The following CUBN variants were observed in gnomAD, a reference collection of about 807,000 sequenced individuals.
CUBN encodes 460 kDa receptor.
In CUBN, 282 loss-of-function variants were observed where a neutral mutation model predicts 405.3. That is an observed-to-expected ratio of 0.70 (90% CI 0.63 to 0.77). The LOEUF is 0.77. Among genes scored for constraint, CUBN ranks in the 30% least tolerant of loss-of-function variants. The probability of loss-of-function intolerance (pLI) is 0.00; values close to 1 mark genes in which losing one functional copy is unlikely to be tolerated. For missense variants in CUBN, 4,514 were observed against 4,475.2 expected (o/e 1.01, Z -0.25); for synonymous variants, 1,684 against 1,617.0 (o/e 1.04, Z -0.99).
chr10:16,944,195 A>C (rs1564438734), intron 36 of CUBN, among the ~76,000 whole-genome samples: 1 of 152,220 alleles, frequency 6.6e-6, no homozygotes, highest in African/African-American at 2.4e-5. Context: ...ATTGCACTGC[A>C]CTTTGAATAG....
chr10:16,999,267 G>A (rs146060723), intron 28 of CUBN, among the ~76,000 whole-genome samples: 1 of 152,160 alleles, frequency 6.6e-6, no homozygotes, highest in Non-Finnish European at 1.5e-5. Context: ...CATCATCAAA[G>A]AGAAAGAAAT....
At chr10:16,964,745 C>T (rs185047507) in intron 31 of CUBN, among the ~76,000 whole-genome samples, 20 of 152,324 alleles carry the variant, frequency 1.3e-4, no homozygotes, top group Non-Finnish European at 1.3e-4. Context: ...TGGCTACTAA[C>T]GCCAGTTAAT....
chr10:16,893,645 T>C (rs913107521), intron 54 of CUBN, among the ~76,000 whole-genome samples: 1 of 152,184 alleles, frequency 6.6e-6, no homozygotes, highest in African/African-American at 2.4e-5. Flanking sequence ...GAGGCTGCCT[T>C]TTTTCACTTG....
chr10:17,120,805 C>G (rs942555620), intron 6 of CUBN, among the ~76,000 whole-genome samples: 21 of 152,150 alleles, frequency 1.4e-4, no homozygotes, highest in African/African-American at 4.6e-4. Context: ...CACAGTTTGC[C>G]CATACTTGTC....
At chr10:17,058,418 C>A (rs1385764700) in intron 22 of CUBN, among the ~76,000 whole-genome samples, 3 of 151,968 alleles carry the variant, frequency 2.0e-5, no homozygotes. Context: ...AAGTTCTGTG[C>A]ACAGACAGGT....
intron 59 of CUBN, among the ~76,000 whole-genome samples, chr10:16,857,140 C>T (rs2131347610): frequency 6.6e-6 from 1 of 152,254 alleles, no homozygotes; most frequent in African/African-American, 2.4e-5. Context: ...TACAATACTT[C>T]AGGTATAATA....
At chr10:17,101,182 A>G (rs921419307) in intron 13 of CUBN, among the ~76,000 whole-genome samples, 4 of 152,196 alleles carry the variant, frequency 2.6e-5, no homozygotes, top group African/African-American at 4.8e-5. Flanking sequence ...ATGAAACTCA[A>G]ATGTTCACTA....
At chr10:16,990,309 C>G (rs1833543429) in intron 29 of CUBN, 25 bp downstream of exon 29, 3 of 1,612,818 alleles carry the variant, frequency 1.9e-6, no homozygotes, top group African/African-American at 2.7e-5. Flanking sequence ...TTGGAATGTG[C>G]TGAAAAAACC....
At chr10:17,078,088 T>C (rs559070687) in intron 17 of CUBN, among the ~76,000 whole-genome samples, 1 of 152,228 alleles carries the variant, frequency 6.6e-6, no homozygotes, top group East Asian at 1.9e-4. Context: ...ATCATCATCA[T>C]CGTCATTATC....
chr10:16,833,524 A>G (rs1403193579), intron 64 of CUBN, among the ~76,000 whole-genome samples: 1 of 152,196 alleles, frequency 6.6e-6, no homozygotes, highest in Non-Finnish European at 1.5e-5. Flanking sequence ...ATCATGTTGA[A>G]GCTAAACCCA....
chr10:17,010,262 C>T (rs11591878), intron 28 of CUBN, among the ~76,000 whole-genome samples: 11,674 of 152,244 alleles, frequency 0.077, 568 homozygotes, highest in East Asian at 0.18. Flanking sequence ...TTCAGAATCA[C>T]GGAATACTAC....
At chr10:16,940,383 T>C (rs1252120369) in intron 36 of CUBN, 146 bp from the exon 37 acceptor site, 1 of 767,314 alleles carries the variant, frequency 1.3e-6, no homozygotes, top group South Asian at 1.6e-5. Flanking sequence ...TCTCAAAAAA[T>C]TTCTTTCACT....
At chr10:16,968,113 T>C (rs991952939) in intron 31 of CUBN, among the ~76,000 whole-genome samples, 5 of 152,192 alleles carry the variant, frequency 3.3e-5, no homozygotes, top group African/African-American at 1.2e-4. Context: ...CATCATCTCT[T>C]TGAAACCCAG....
intron 22 of CUBN, among the ~76,000 whole-genome samples, chr10:17,049,303 T>A (rs1383583732): frequency 6.6e-6 from 1 of 152,208 alleles, no homozygotes; most frequent in Non-Finnish European, 1.5e-5. Context: ...ACAGACAGAC[T>A]CATTGACCCA....
chr10:16,963,267 C>T (rs764689815), intron 31 of CUBN, among the ~76,000 whole-genome samples: 21 of 133,344 alleles, frequency 1.6e-4, no homozygotes, highest in Non-Finnish European at 3.1e-4. Context: ...CTCACTGCAA[C>T]CTCTGCCTTC....
At chr10:16,997,738 A>T (rs1162013685) in intron 28 of CUBN, among the ~76,000 whole-genome samples, 2 of 152,200 alleles carry the variant, frequency 1.3e-5, no homozygotes, top group East Asian at 3.9e-4. Flanking sequence ...AGTTGTCCAA[A>T]GGTGACTGGC....
At chr10:17,004,056 TTCTC>T (rs1032805827) in intron 28 of CUBN, among the ~76,000 whole-genome samples, 1 of 152,170 alleles carries the variant, frequency 6.6e-6, no homozygotes, top group Non-Finnish European at 1.5e-5. Context: ...TCAGGCTTGT[TTCTC>T]TCTCTTTCTT....
At chr10:17,068,546 AT>A in intron 20 of CUBN, 58 bp downstream of exon 20, 26 of 1,377,690 alleles carry the variant, frequency 1.9e-5, no homozygotes, top group Non-Finnish European at 2.7e-5. Context: ...TATTTCTATC[AT>A]TCACTTATTC....
At position 16,971,740 on chromosome 10, in the gene CUBN, C is replaced by T. The variant is rs144508216; in HGVS notation, c.4695+10744G>A. Among the ~76,000 whole-genome samples the T allele has an allele frequency of 5.1e-3, 769 of 152,220 alleles. 3 individuals are homozygous for T. Among genetic ancestry groups the T allele is most frequent in the Non-Finnish European group, 8.0e-3 (543 of 68,020 alleles). ...TGAAAACATGATTTTCTCTACTGTT[C>T]GCCTGGCTCTCACATTCAGCTGCTC... On this transcript the variant is annotated intron_variant, in intron 31 of 66. Coordinates refer to ENST00000377833, the MANE Select transcript of CUBN (RefSeq NM_001081.4).
Sources: allele counts gnomAD v4.1 joint callset (sites outside exome capture counted in the v4.1 genomes callset), GRCh38; gene constraint gnomAD v4.1.1; transcripts MANE v1.5; gene names NCBI Gene and HGNC (gene_info 2026-07-23, HGNC 2026-07-21).